Variants in PLEKHM3 observed in about 807,000 individuals in gnomAD.
The protein encoded by PLEKHM3 is pleckstrin homology domain containing M3.
PLEKHM3 carries 45 observed loss-of-function variants against 81.8 expected under a neutral mutation model. That is an observed-to-expected ratio of 0.55 (90% CI 0.43 to 0.71). The LOEUF (loss-of-function observed/expected upper bound fraction) is 0.71. Ranked by LOEUF, PLEKHM3 falls within the 30% of genes least tolerant of loss-of-function variation. PLEKHM3 has a pLI of 0.00. For synonymous variants in PLEKHM3, 352 were observed against 356.4 expected (o/e 0.99, Z 0.14); for missense variants, 788 against 924.3 (o/e 0.85, Z 1.91).
At chr2:207,908,361 A>G (rs1688689387) in intron 6 of PLEKHM3, among the ~76,000 whole-genome samples, 153 bp downstream of exon 6, 1 of 152,160 alleles carries the variant, frequency 6.6e-6, no homozygotes, top group Admixed American at 6.5e-5. Flanking sequence ...ATATCTTTTT[A>G]TACTAAGTTT....
At chr2:207,973,875 TTTTC>T (rs1691210978) in intron 3 of PLEKHM3, among the ~76,000 whole-genome samples, 1 of 152,118 alleles carries the variant, frequency 6.6e-6, no homozygotes, top group African/African-American at 2.4e-5. Context: ...ATGGAACAGC[TTTTC>T]TTTCTTTTCT....
At chr2:207,902,870 A>ATCCAT (rs56046500) in intron 6 of PLEKHM3, among the ~76,000 whole-genome samples, 1 of 122,204 alleles carries the variant, frequency 8.2e-6, no homozygotes, top group Admixed American at 1.0e-4. Flanking sequence ...CCATCCATCC[A>ATCCAT]CTGAACATTT....
chr2:207,962,759 G>C (rs1690782144), intron 3 of PLEKHM3, among the ~76,000 whole-genome samples: 1 of 152,086 alleles, frequency 6.6e-6, no homozygotes, highest in Non-Finnish European at 1.5e-5. Flanking sequence ...AATAAACCGT[G>C]CAAATAAACT....
intron 3 of PLEKHM3, among the ~76,000 whole-genome samples, chr2:207,951,710 T>C (rs1292938004): frequency 6.6e-6 from 1 of 152,216 alleles, no homozygotes; most frequent in Non-Finnish European, 1.5e-5. Flanking sequence ...AAAGAATCTG[T>C]TGCTGGGGGT....
chr2:207,858,134 A>ATGTG lies in PLEKHM3; in HGVS notation c.2108+2970_2108+2971insCACA, dbSNP rs1491285509. Among the ~76,000 whole-genome samples, 405 of 120,450 alleles carry ATGTG rather than the reference A, an allele frequency of 3.4e-3. 4 individuals are homozygous for ATGTG. The highest frequency in any genetic ancestry group is 0.012 in the African/African-American group (374 of 30,750). 79.0% of individuals were successfully genotyped at this position (120,450 alleles called of 152,430 possible). A position where few individuals can be genotyped will look rare whatever the true frequency, so the allele number is the denominator to read the frequency against. The stretch of plus-strand genomic sequence containing the variant: ...CCAAATATTTTGGGGTTTCATATAG[A>ATGTG]TATGTGTGTGTGTGTGTGTGTGTGT... On this transcript the variant is annotated intron_variant, in intron 7 of 7. Transcript: ENST00000427836.
At chr2:207,893,483 G>A (rs558776813) in intron 6 of PLEKHM3, among the ~76,000 whole-genome samples, 2 of 152,298 alleles carry the variant, frequency 1.3e-5, no homozygotes, top group Admixed American at 6.5e-5. Flanking sequence ...TAGGCTGATG[G>A]CAATTTTAGA....
chr2:207,996,276 T>C (rs1386525904), intron 2 of PLEKHM3, among the ~76,000 whole-genome samples: 12 of 152,178 alleles, frequency 7.9e-5, no homozygotes, highest in Admixed American at 6.5e-4. Context: ...CATTTTTCAG[T>C]ATTTACTGCT....
chr2:207,972,740 T>A (rs1282103953), intron 3 of PLEKHM3, among the ~76,000 whole-genome samples: 1 of 152,154 alleles, frequency 6.6e-6, no homozygotes. Context: ...CCGTTATGTA[T>A]CAGCATATAT....
At chr2:207,959,782 C>T (rs753840338) in intron 3 of PLEKHM3, among the ~76,000 whole-genome samples, 6 of 152,086 alleles carry the variant, frequency 3.9e-5, no homozygotes, top group Admixed American at 2.6e-4. Context: ...AGAGTGGATC[C>T]GAGTAGTGCT....
intron 1 of PLEKHM3, among the ~76,000 whole-genome samples, chr2:208,002,316 T>C (rs747120911): frequency 9.9e-5 from 15 of 152,256 alleles, no homozygotes; most frequent in Non-Finnish European, 1.9e-4. Flanking sequence ...GCCTGTATCA[T>C]AATCAGTCTA....
At chr2:207,830,888 A>G (rs1317449693) in intron 7 of PLEKHM3, among the ~76,000 whole-genome samples, 1 of 151,970 alleles carries the variant, frequency 6.6e-6, no homozygotes, top group Non-Finnish European at 1.5e-5. Context: ...GGGGCAACAC[A>G]TTTCTGTTGT....
At chr2:207,963,381 G>A (rs1056282153) in intron 3 of PLEKHM3, among the ~76,000 whole-genome samples, 4 of 152,184 alleles carry the variant, frequency 2.6e-5, no homozygotes, top group Non-Finnish European at 5.9e-5. Context: ...CATTAAGGAT[G>A]CTGGTCTTCA....
At chr2:207,933,040 A>G (rs1031892105) in intron 4 of PLEKHM3, among the ~76,000 whole-genome samples, 10 of 152,166 alleles carry the variant, frequency 6.6e-5, no homozygotes, top group African/African-American at 2.4e-4. Context: ...TTTTTTCCTT[A>G]TAAGCAATTA....
chr2:207,968,203 C>T (rs1690985593), intron 3 of PLEKHM3, among the ~76,000 whole-genome samples: 1 of 152,098 alleles, frequency 6.6e-6, no homozygotes, highest in African/African-American at 2.4e-5. Flanking sequence ...TGTGTGCCCT[C>T]AGACTATAAA....
intron 1 of PLEKHM3, among the ~76,000 whole-genome samples, chr2:208,014,084 G>C (rs1559284258): frequency 6.6e-6 from 1 of 152,134 alleles, no homozygotes; most frequent in Non-Finnish European, 1.5e-5. Context: ...GTGATGGGCT[G>C]CATCTATGAC....
intron 6 of PLEKHM3, among the ~76,000 whole-genome samples, chr2:207,881,283 A>G (rs1453616533): frequency 6.6e-6 from 1 of 152,252 alleles, no homozygotes; most frequent in African/African-American, 2.4e-5. Context: ...GATGTGCTAT[A>G]AAGAATGAGC....
chr2:207,951,488 A>G (rs1225413957), intron 3 of PLEKHM3, among the ~76,000 whole-genome samples: 1 of 152,190 alleles, frequency 6.6e-6, no homozygotes, highest in Non-Finnish European at 1.5e-5. Flanking sequence ...TATTCAATTC[A>G]TAGGAACAAA....
At chr2:208,024,179 A>AAATAAAATAAC (rs1421719601) in intron 1 of PLEKHM3, among the ~76,000 whole-genome samples, 2 of 151,512 alleles carry the variant, frequency 1.3e-5, no homozygotes, top group East Asian at 1.9e-4. Context: ...AAATAAAATA[A>AAATAAAATAAC]AATAACAATA....
intron 6 of PLEKHM3, among the ~76,000 whole-genome samples, chr2:207,876,892 A>G (rs977643472): frequency 6.6e-6 from 1 of 152,222 alleles, no homozygotes; most frequent in Non-Finnish European, 1.5e-5. Flanking sequence ...AATGAACAGT[A>G]AAAGGAGGAG....
Sources: gnomAD v4.1 joint callset for allele counts (sites outside exome capture counted in the v4.1 genomes callset) on GRCh38, gnomAD v4.1.1 for gene constraint, MANE v1.5 for transcripts, NCBI Gene and HGNC (gene_info 2026-07-23, HGNC 2026-07-21) for gene names.